SPOCK1: variants seen among roughly 807,000 people sequenced by gnomAD.
The protein encoded by SPOCK1 is testican-1.
A neutral mutation model predicts 55.3 loss-of-function variants in SPOCK1; 23 were observed. The observed-to-expected ratio is 0.42, with a 90% CI of 0.30 to 0.59. The LOEUF is 0.59. Ranked by LOEUF, SPOCK1 falls within the 20% of genes least tolerant of loss-of-function variation. The probability of loss-of-function intolerance (pLI) is 0.22; values close to 1 mark genes in which losing one functional copy is unlikely to be tolerated. For missense variants in SPOCK1, 499 were observed against 552.5 expected (o/e 0.90, Z 0.97); for synonymous variants, 226 against 221.0 (o/e 1.02, Z -0.20).
At chr5:137,093,475 C>T (rs995635356) in intron 5 of SPOCK1, among the ~76,000 whole-genome samples, 20 of 152,206 alleles carry the variant, frequency 1.3e-4, no homozygotes, top group African/African-American at 4.1e-4. Flanking sequence ...GAAATTCAGA[C>T]GGAAATAAGA....
intron 2 of SPOCK1, among the ~76,000 whole-genome samples, chr5:137,368,846 C>T (rs1036768191): frequency 2.6e-5 from 4 of 152,200 alleles, no homozygotes; most frequent in African/African-American, 9.7e-5. Flanking sequence ...ATTAATCTTG[C>T]TGTATCTTAT....
intron 2 of SPOCK1, among the ~76,000 whole-genome samples, chr5:137,476,868 T>C (rs1160487471): frequency 6.6e-6 from 1 of 152,070 alleles, no homozygotes; most frequent in Non-Finnish European, 1.5e-5. Flanking sequence ...GAGGTTGCTG[T>C]GAGCTGGGAT....
chr5:137,245,686 G>A (rs1756379495), intron 3 of SPOCK1, among the ~76,000 whole-genome samples: 1 of 151,660 alleles, frequency 6.6e-6, no homozygotes, highest in Non-Finnish European at 1.5e-5. Context: ...AAGTCTCAAG[G>A]GATGTACGGT....
intron 2 of SPOCK1, among the ~76,000 whole-genome samples, chr5:137,454,883 C>T (rs1753330884): frequency 6.6e-6 from 1 of 152,138 alleles, no homozygotes; most frequent in Admixed American, 6.6e-5. Flanking sequence ...TTTTGGAAAG[C>T]TGTCATGCAT....
chr5:137,036,058 C>T (rs1751878692), intron 6 of SPOCK1, among the ~76,000 whole-genome samples: 1 of 152,106 alleles, frequency 6.6e-6, no homozygotes, highest in Non-Finnish European at 1.5e-5. Flanking sequence ...CAGGAGAGAG[C>T]TGGGCTTGCA....
intron 3 of SPOCK1, among the ~76,000 whole-genome samples, chr5:137,204,096 C>G (rs1398596610): frequency 1.3e-5 from 2 of 152,168 alleles, no homozygotes; most frequent in Admixed American, 1.3e-4. Flanking sequence ...ATCCAACCAG[C>G]TCTAGCCTTG....
chr5:137,411,904 GT>G (rs901843558), intron 2 of SPOCK1, among the ~76,000 whole-genome samples: 2 of 122,540 alleles, frequency 1.6e-5, no homozygotes, highest in African/African-American at 5.3e-5. Flanking sequence ...AATGTTGACT[GT>G]TTTTCCACTG....
At chr5:137,476,824 C>T (rs536340534) in intron 2 of SPOCK1, among the ~76,000 whole-genome samples, 35 of 152,164 alleles carry the variant, frequency 2.3e-4, no homozygotes, top group African/African-American at 8.4e-4. Context: ...ACTTGGAAGG[C>T]TGAGGTGGAA....
At chr5:137,194,862 T>A (rs535674625) in intron 3 of SPOCK1, among the ~76,000 whole-genome samples, 87 of 152,264 alleles carry the variant, frequency 5.7e-4, no homozygotes, top group African/African-American at 2.1e-3. Context: ...CCATTTCTGG[T>A]CAGAGCCTTC....
intron 4 of SPOCK1, among the ~76,000 whole-genome samples, chr5:137,129,244 C>T (rs2905976): frequency 0.47 from 71,575 of 151,904 alleles, 17,037 homozygotes; most frequent in Middle Eastern, 0.52. Context: ...TCCTTCTCTT[C>T]TTCCCCGACA....
chr5:137,237,971 A>G (rs1756210368), intron 3 of SPOCK1, among the ~76,000 whole-genome samples: 1 of 152,182 alleles, frequency 6.6e-6, no homozygotes, highest in Non-Finnish European at 1.5e-5. Flanking sequence ...AAAGCAATAC[A>G]TCATGGTGGT....
chr5:137,357,551 T>C (rs1750845044), intron 2 of SPOCK1, among the ~76,000 whole-genome samples: 2 of 152,122 alleles, frequency 1.3e-5, no homozygotes, highest in Non-Finnish European at 2.9e-5. Context: ...GAGAAAGAGA[T>C]GCCTGACTGG....
rs559463457 is a variant in SPOCK1 at position 136,990,451 on chromosome 5, C to A, written c.707-1808G>T. On this transcript the variant is annotated intron_variant, in intron 7 of 10. Transcript: ENST00000394945. The stretch of plus-strand genomic sequence containing the variant: ...AAAAAAAAAAAAAAATGTTGGGAGA[C>A]GTTTTCTAGCTATTGTAAACTCTAT... Among the ~76,000 whole-genome samples the A allele has an allele frequency of 9.0e-4, 137 of 151,658 alleles. 2 individuals carry two copies. Among genetic ancestry groups the A allele is most frequent in the Non-Finnish European group, 4.7e-4 (32 of 67,924 alleles).
At chr5:137,269,781 C>T (rs1233687438) in intron 2 of SPOCK1, among the ~76,000 whole-genome samples, 2 of 152,086 alleles carry the variant, frequency 1.3e-5, no homozygotes, top group Non-Finnish European at 2.9e-5. Context: ...TTGTTCATCC[C>T]TGAGACCCAC....
At chr5:137,134,996 G>T (rs2127047696) in intron 4 of SPOCK1, among the ~76,000 whole-genome samples, 1 of 152,208 alleles carries the variant, frequency 6.6e-6, no homozygotes, top group East Asian at 1.9e-4. Flanking sequence ...ATTCCAGATA[G>T]TTAAGAAGTG....
At chr5:137,413,475 T>C (rs970699995) in intron 2 of SPOCK1, among the ~76,000 whole-genome samples, 1 of 152,140 alleles carries the variant, frequency 6.6e-6, no homozygotes, top group Admixed American at 6.5e-5. Context: ...GCTGAGTGGA[T>C]AGATGAATGG....
At chr5:137,359,002 G>A (rs1750883458) in intron 2 of SPOCK1, among the ~76,000 whole-genome samples, 1 of 152,214 alleles carries the variant, frequency 6.6e-6, no homozygotes, top group Non-Finnish European at 1.5e-5. Flanking sequence ...TTTCTGGGAT[G>A]AAGGCTAAAA....
intron 2 of SPOCK1, among the ~76,000 whole-genome samples, chr5:137,374,995 T>A (rs887947855): frequency 6.6e-6 from 1 of 152,090 alleles, no homozygotes; most frequent in Non-Finnish European, 1.5e-5. Flanking sequence ...CTCTCCCCCA[T>A]CTCAGTTGCA....
chr5:137,330,855 C>G (rs1758163362), intron 2 of SPOCK1, among the ~76,000 whole-genome samples: 1 of 152,192 alleles, frequency 6.6e-6, no homozygotes, highest in African/African-American at 2.4e-5. Context: ...TTTCAGCATT[C>G]CATTTATTGA....
Sources: gnomAD v4.1 joint callset for allele counts (sites outside exome capture counted in the v4.1 genomes callset) on GRCh38, gnomAD v4.1.1 for gene constraint, MANE v1.5 for transcripts, NCBI Gene and HGNC (gene_info 2026-07-23, HGNC 2026-07-21) for gene names.